The following ERG variants were observed in gnomAD, a reference collection of about 807,000 sequenced individuals.
ERG encodes transcriptional regulator ERG.
In ERG, 9 loss-of-function variants were observed where a neutral mutation model predicts 55.3. The observed-to-expected ratio is 0.16, with a 90% CI of 0.10 to 0.28. The LOEUF (loss-of-function observed/expected upper bound fraction) is 0.28. Among genes scored for constraint, ERG ranks in the 10% least tolerant of loss-of-function variants. The probability of loss-of-function intolerance (pLI) is 1.00; values close to 1 mark genes in which losing one functional copy is unlikely to be tolerated. For missense variants in ERG, 434 were observed against 631.6 expected (o/e 0.69, Z 3.35); for synonymous variants, 223 against 237.3 (o/e 0.94, Z 0.55).
intron 2 of ERG, among the ~76,000 whole-genome samples, chr21:38,569,113 C>T (rs931164234): frequency 1.3e-5 from 2 of 152,240 alleles, no homozygotes; most frequent in Admixed American, 6.5e-5. Context: ...TGTTTGAGAA[C>T]AGGTGACCCA....
At chr21:38,378,356 G>T (rs1163459560), downstream of ERG, among the ~76,000 whole-genome samples, 1 of 152,202 alleles carries the variant, frequency 6.6e-6, no homozygotes, top group Admixed American at 6.5e-5. Context: ...GGAACTCCTG[G>T]ACAAAGGCTG....
intron 2 of ERG, among the ~76,000 whole-genome samples, chr21:38,562,467 T>C (rs1349120839): frequency 1.3e-5 from 2 of 152,130 alleles, no homozygotes; most frequent in Non-Finnish European, 2.9e-5. Flanking sequence ...GGGGGTAGTT[T>C]GTGGCGCACA....
intron 2 of ERG, among the ~76,000 whole-genome samples, chr21:38,509,409 T>G (rs1355892666): frequency 6.6e-6 from 1 of 152,226 alleles, no homozygotes. Context: ...ACTTGCATAT[T>G]GGATAGAGAG....
intron 2 of ERG, among the ~76,000 whole-genome samples, chr21:38,531,214 C>T (rs757430873): frequency 1.7e-4 from 25 of 151,154 alleles, no homozygotes; most frequent in African/African-American, 4.4e-4. Context: ...AATGACAAGG[C>T]GTCATTATTC....
chr21:38,483,880 A>T (rs1330807664), intron 1 of ERG, among the ~76,000 whole-genome samples: 1 of 152,144 alleles, frequency 6.6e-6, no homozygotes, highest in Non-Finnish European at 1.5e-5. Flanking sequence ...AAAATAAAAA[A>T]TTTTTAAAAA....
chr21:38,614,724 A>T (rs1315947499), intron 1 of ERG, among the ~76,000 whole-genome samples: 1 of 152,176 alleles, frequency 6.6e-6, no homozygotes, highest in African/African-American at 2.4e-5. Flanking sequence ...CAAGACAAAC[A>T]CACATGTGGG....
In ERG at chr21:38,383,214, C is replaced by A; in HGVS notation, c.*189G>T. The A allele has an allele frequency of 7.7e-7, 1 of 1,294,462 alleles. No individual in the cohort carries two copies. The highest frequency in any genetic ancestry group is 9.8e-7 in the Non-Finnish European group (1 of 1,023,508). 80.2% of individuals were successfully genotyped at this position (1,294,462 alleles called of 1,614,324 possible). A position where few individuals can be genotyped will look rare whatever the true frequency, so the allele number is the denominator to read the frequency against. On this transcript the variant is annotated 3_prime_UTR_variant, in exon 10 of 10. Coordinates refer to ENST00000288319, the MANE Select transcript of ERG (RefSeq NM_182918.4). The surrounding 1 kb of genome is among the most constrained non-coding windows in gnomAD (Gnocchi z 5.7). Reference sequence around the variant, plus strand: ...TATTCGTGACATTTTTAGCATCCTCCTCATTTCTGTAGTAAGACTTCAGTA... The same window carrying A: ...TATTCGTGACATTTTTAGCATCCTCATCATTTCTGTAGTAAGACTTCAGTA...
At chr21:38,440,778 A>G (rs564326199) in intron 2 of ERG, among the ~76,000 whole-genome samples, 40 of 127,532 alleles carry the variant, frequency 3.1e-4, no homozygotes, top group Non-Finnish European at 5.3e-4. Flanking sequence ...GACAAGAGCA[A>G]AACTGTCTCA....
chr21:38,432,125 T>C (rs1215143190), intron 2 of ERG, among the ~76,000 whole-genome samples: 1 of 152,208 alleles, frequency 6.6e-6, no homozygotes, highest in Non-Finnish European at 1.5e-5. Context: ...GACAGGGTCT[T>C]GCTCTGTCAC....
chr21:38,661,649 C>A (rs997484880), intron 1 of ERG: 1 of 152,384 alleles, frequency 6.6e-6, no homozygotes, highest in Non-Finnish European at 1.5e-5. Context: ...ACCGCAAAAT[C>A]CAGCTTACCT....
At chr21:38,451,035 T>G (rs993501556) in intron 1 of ERG, 6 of 432,218 alleles carry the variant, frequency 1.4e-5, no homozygotes, top group Non-Finnish European at 2.8e-5. Context: ...TGGCTGTTAC[T>G]GGAAGGAAGA....
At chr21:38,622,393 C>T (rs2060296159) in intron 1 of ERG, among the ~76,000 whole-genome samples, 1 of 147,480 alleles carries the variant, frequency 6.8e-6, no homozygotes, top group South Asian at 2.2e-4. Flanking sequence ...CACCACACAC[C>T]ACACACACTA....
intron 2 of ERG, among the ~76,000 whole-genome samples, chr21:38,551,473 A>G (rs2059823998): frequency 6.6e-6 from 1 of 151,988 alleles, no homozygotes; most frequent in Non-Finnish European, 1.5e-5. Flanking sequence ...CAACTTTTTG[A>G]TATCAGTGTT....
At chr21:38,485,860 T>C (rs1296542206) in intron 1 of ERG, among the ~76,000 whole-genome samples, 2 of 152,030 alleles carry the variant, frequency 1.3e-5, no homozygotes, top group Non-Finnish European at 2.9e-5. Context: ...CCACTTTCCA[T>C]CCTGCAAGCT....
intron 1 of ERG, among the ~76,000 whole-genome samples, chr21:38,455,110 C>T (rs1214706261): frequency 2.4e-5 from 1 of 41,262 alleles, no homozygotes; most frequent in Non-Finnish European, 5.4e-5. Flanking sequence ...TTCTTTCTTT[C>T]TTTCTTTCTT....
At chr21:38,594,034 A>C (rs894575341) in intron 1 of ERG, among the ~76,000 whole-genome samples, 18 of 152,224 alleles carry the variant, frequency 1.2e-4, no homozygotes, top group African/African-American at 4.1e-4. Context: ...GAGAATACCA[A>C]CAGGAAAAGG....
intron 1 of ERG, among the ~76,000 whole-genome samples, chr21:38,605,830 T>A (rs928542665): frequency 6.6e-5 from 10 of 151,906 alleles, no homozygotes; most frequent in African/African-American, 2.4e-4. Context: ...CCCAGATAGA[T>A]GATAGATAGA....
chr21:38,400,679 T>C (rs200846726), intron 5 of ERG, 34 bp from the exon 6 acceptor site: 1 of 1,535,826 alleles, frequency 6.5e-7, no homozygotes, highest in South Asian at 1.2e-5. Context: ...CATGTGAAGG[T>C]CTTTTGTTGT....
In ERG at chr21:38,392,426, G is replaced by C. The variant is rs1601325946; in HGVS notation, c.764C>G (p.Pro255Arg). 1 of 1,553,980 alleles carries C rather than the reference G, an allele frequency of 6.4e-7. No homozygotes were observed. ...TTRPDLPYEP[P>R]RRSAWTGHGH... is the part of the protein sequence containing the mutation. The stretch of plus-strand genomic sequence containing the variant: ...GTGACCGGTCCAGGCTGATCTCCTG[G>C]GGGGCTCATATGGTAAATCTGTAAA... The change falls in exon 7 of 10, where the codon CCC becomes CGC. Residue 255 changes from proline (P) to arginine (R), a missense_variant. Transcript: ENST00000288319.
Sources: gnomAD v4.1 joint callset for allele counts (sites outside exome capture counted in the v4.1 genomes callset) on GRCh38, gnomAD v4.1.1 for gene constraint, Gnocchi (gnomAD v3.1) non-coding constraint, MANE v1.5 for transcripts, NCBI Gene and HGNC (gene_info 2026-07-23, HGNC 2026-07-21) for gene names.